The following TANC2 variants were observed in gnomAD, a reference collection of about 807,000 sequenced individuals.
The protein encoded by TANC2 is protein TANC2.
Under a neutral mutation model 210.5 loss-of-function variants are expected in TANC2, and 26 were observed. The observed-to-expected ratio is 0.12, with a 90% confidence interval of 0.09 to 0.17. TANC2 has a LOEUF of 0.17. Among genes scored for constraint, TANC2 ranks in the 10% least tolerant of loss-of-function variants. TANC2 has a pLI of 1.00. For missense variants in TANC2, 2,129 were observed against 2,608.9 expected (o/e 0.82, Z 4.01); for synonymous variants, 931 against 967.1 (o/e 0.96, Z 0.69).
chr17:63,238,534 A>C (rs541015593), intron 8 of TANC2, among the ~76,000 whole-genome samples: 7 of 152,224 alleles, frequency 4.6e-5, no homozygotes, highest in African/African-American at 1.7e-4. Context: ...ACAAGAATTC[A>C]GCTTTTCCTC....
intron 2 of TANC2, among the ~76,000 whole-genome samples, chr17:63,041,638 C>T (rs1026691538): frequency 5.9e-5 from 9 of 151,908 alleles, no homozygotes; most frequent in African/African-American, 2.2e-4. Flanking sequence ...TATATTCAAT[C>T]GAGTTAATGA....
At chr17:63,204,714 A>G (rs1298517391) in intron 7 of TANC2, among the ~76,000 whole-genome samples, 1 of 152,246 alleles carries the variant, frequency 6.6e-6, no homozygotes, top group African/African-American at 2.4e-5. Flanking sequence ...CTTGAAAAAG[A>G]GCAAAATTGG....
Position 63,208,282 on chromosome 17 carries a change from G to T in TANC2, c.769+7325G>T, listed in dbSNP as rs778091047. 1.6e-4 allele frequency among the ~76,000 whole-genome samples: 25 copies of T among 152,110 alleles called. 1 individual carries two copies. The highest frequency in any genetic ancestry group is 6.0e-4 in the African/African-American group (25 of 41,508). On this transcript the variant is annotated intron_variant, in intron 7 of 27. Coordinates refer to ENST00000689528, the Ensembl canonical transcript of TANC2. ...AATAACTAGTTCCATTACCATGTTC[G>T]CATGCAGTGTATTGCTGCCAAAAGC...
intron 9 of TANC2, among the ~76,000 whole-genome samples, chr17:63,299,881 G>A (rs1331613716): frequency 2.0e-5 from 3 of 152,080 alleles, no homozygotes; most frequent in African/African-American, 7.2e-5. Flanking sequence ...GAATGGTATT[G>A]CCTAAATTTT....
chr17:63,022,370 A>G (rs1181248833), intron 2 of TANC2, among the ~76,000 whole-genome samples: 2 of 151,074 alleles, frequency 1.3e-5, no homozygotes, highest in Admixed American at 6.6e-5. Context: ...ACAAACTAGG[A>G]TTTCTGGTGG....
intron 3 of TANC2, among the ~76,000 whole-genome samples, chr17:63,095,867 A>AG (rs1210805238): frequency 6.6e-6 from 1 of 152,202 alleles, no homozygotes; most frequent in African/African-American, 2.4e-5. Flanking sequence ...ATGGAAGAAA[A>AG]TAGTTTTAAG....
chr17:63,003,301 G>C (rs1345114859), intron 1 of TANC2, among the ~76,000 whole-genome samples: 1 of 152,026 alleles, frequency 6.6e-6, no homozygotes, highest in African/African-American at 2.4e-5. Context: ...TTTGAAAATC[G>C]ATTGTCTCTT....
chr17:63,132,616 T>A (rs942150383), intron 4 of TANC2, among the ~76,000 whole-genome samples: 1 of 152,202 alleles, frequency 6.6e-6, no homozygotes, highest in East Asian at 1.9e-4. Context: ...ATTAATCATC[T>A]TCTTATCTTC....
chr17:63,215,585 G>C (rs1022246784), intron 7 of TANC2, among the ~76,000 whole-genome samples: 1 of 152,106 alleles, frequency 6.6e-6, no homozygotes, highest in African/African-American at 2.4e-5. Context: ...CCTAAGTAGT[G>C]AAACCTCCAT....
At chr17:63,168,814 C>G (rs1276812207) in intron 5 of TANC2, among the ~76,000 whole-genome samples, 2 of 150,230 alleles carry the variant, frequency 1.3e-5, no homozygotes. Context: ...ATATCCGTTA[C>G]TCACTTACTG....
intron 7 of TANC2, among the ~76,000 whole-genome samples, chr17:63,206,428 G>A (rs772980513): frequency 1.3e-5 from 2 of 151,976 alleles, no homozygotes; most frequent in African/African-American, 2.4e-5. Flanking sequence ...TTTTCACAAC[G>A]GCCAAAAAGT....
At chr17:63,288,747 A>C (rs1002470175) in intron 9 of TANC2, among the ~76,000 whole-genome samples, 1 of 152,146 alleles carries the variant, frequency 6.6e-6, no homozygotes, top group Non-Finnish European at 1.5e-5. Flanking sequence ...TAAAAAAAAA[A>C]TAAAAGTTTG....
intron 11 of TANC2, among the ~76,000 whole-genome samples, chr17:63,324,524 TGAA>T (rs1371309041): frequency 6.6e-6 from 1 of 152,154 alleles, no homozygotes; most frequent in Non-Finnish European, 1.5e-5. Flanking sequence ...AAAACAATAA[TGAA>T]GAATAAGATT....
chr17:63,308,595 T>TAATAGC (rs1432251147), intron 9 of TANC2, among the ~76,000 whole-genome samples: 1 of 152,196 alleles, frequency 6.6e-6, no homozygotes, highest in Non-Finnish European at 1.5e-5. Flanking sequence ...AATCATTCTG[T>TAATAGC]AATAGCTACA....
At chr17:63,093,542 C>T (rs1329301108) in intron 3 of TANC2, among the ~76,000 whole-genome samples, 1 of 152,090 alleles carries the variant, frequency 6.6e-6, no homozygotes, top group African/African-American at 2.4e-5. Flanking sequence ...AAATTATATA[C>T]TGTTTGGACT....
At chr17:63,197,620 A>T (rs556935262) in intron 6 of TANC2, 1 of 152,224 alleles carries the variant, frequency 6.6e-6, no homozygotes, top group Non-Finnish European at 1.5e-5. Flanking sequence ...AGTGATATTC[A>T]CCTGACCCCT....
chr17:63,111,694 A>T (rs953408421), intron 4 of TANC2, among the ~76,000 whole-genome samples: 2 of 151,944 alleles, frequency 1.3e-5, no homozygotes, highest in Admixed American at 6.6e-5. Context: ...AGATGCTTCC[A>T]TATGTTTATG....
chr17:62,969,935 C>G (rs1007592861), intron 1 of TANC2, among the ~76,000 whole-genome samples: 1 of 152,150 alleles, frequency 6.6e-6, no homozygotes, highest in Non-Finnish European at 1.5e-5. Context: ...AATGTTTGTT[C>G]AGATTTTTCT....
intron 5 of TANC2, among the ~76,000 whole-genome samples, chr17:63,190,311 G>C (rs2041140196): frequency 2.0e-5 from 3 of 151,698 alleles, no homozygotes; most frequent in Admixed American, 1.3e-4. Context: ...CTGCATTCCA[G>C]CCTGGGCAAC....
Sources: gnomAD v4.1 joint callset for allele counts (sites outside exome capture counted in the v4.1 genomes callset) on GRCh38, gnomAD v4.1.1 for gene constraint, MANE v1.5 for transcripts, NCBI Gene and HGNC (gene_info 2026-07-23, HGNC 2026-07-21) for gene names.